The following STS variants were observed in gnomAD, a reference collection of about 807,000 sequenced individuals.
STS encodes steroid sulfatase.
In STS, 7 loss-of-function variants were observed where a neutral mutation model predicts 26.8. That is an observed-to-expected ratio of 0.26 (90% CI 0.15 to 0.49). The LOEUF is 0.49. Among genes scored for constraint, STS ranks in the 20% least tolerant of loss-of-function variants. The pLI is 0.98. For missense variants in STS, 434 were observed against 465.6 expected, an observed-to-expected ratio of 0.93 and a Z score of 0.63; for synonymous variants, 199 against 189.4, an observed-to-expected ratio of 1.05 and a Z score of -0.42.
Position 7,233,345 on chromosome X carries a change from C to T in STS, c.-4-19851C>T, listed in dbSNP as rs900362165. 7.2e-5 allele frequency among the ~76,000 whole-genome samples: 8 copies of T among 110,645 alleles called. No individual in the cohort carries two copies. The East Asian group carries it at 8.5e-4, about 12-fold the overall frequency. ...CTGACCTCAAGTGATCTGCCTGCCT[C>T]GACCTCACAAAGATATTTCTTACAG... On this transcript the variant is annotated intron_variant, in intron 2 of 10. Transcript: ENST00000674429.
chrX:7,295,743 G>C (rs149578013), intron 7 of STS, among the ~76,000 whole-genome samples: 243 of 110,969 alleles, frequency 2.2e-3, no homozygotes, highest in African/African-American at 7.7e-3. Context: ...GATCATCCTG[G>C]AGTTAGGAGG....
At chrX:7,247,945 T>TAAGGC (rs1922964136) in intron 2 of STS, among the ~76,000 whole-genome samples, 3 of 112,026 alleles carry the variant, frequency 2.7e-5, no homozygotes, top group South Asian at 7.4e-4. Context: ...ACTCCTTTAC[T>TAAGGC]AAGGCTCAAT....
At chrX:7,166,738 AAG>A (rs1279099977) in intron 1 of STS, among the ~76,000 whole-genome samples, 1 of 111,548 alleles carries the variant, frequency 9.0e-6, no homozygotes, top group African/African-American at 3.3e-5. Context: ...CCAACCTAGA[AAG>A]AGATTTTTCA....
At chrX:7,177,287 A>G (rs1462445288) in intron 1 of STS, among the ~76,000 whole-genome samples, 1 of 110,953 alleles carries the variant, frequency 9.0e-6, no homozygotes, top group Non-Finnish European at 1.9e-5. Flanking sequence ...TGAGCCATTT[A>G]TATGTTTAGG....
intron 2 of STS, among the ~76,000 whole-genome samples, chrX:7,238,883 G>A (rs1486154253): frequency 2.7e-5 from 3 of 110,780 alleles, no homozygotes; most frequent in Non-Finnish European, 5.7e-5. Context: ...GGAACCAATA[G>A]AATCTTCACA....
intron 1 of STS, among the ~76,000 whole-genome samples, chrX:7,154,802 A>G (rs780046363): frequency 1.8e-5 from 2 of 112,597 alleles, no homozygotes; most frequent in East Asian, 5.6e-4. Context: ...AAATAAAGGG[A>G]AAAAAAGTAT....
intron 2 of STS, among the ~76,000 whole-genome samples, chrX:7,233,023 T>C (rs1402037940): frequency 9.0e-6 from 1 of 111,119 alleles, no homozygotes; most frequent in Non-Finnish European, 1.9e-5. Context: ...TCCCCAGCCA[T>C]GTGGAACTGT....
chrX:7,204,567 C>T (rs1310729619), intron 2 of STS, among the ~76,000 whole-genome samples: 1 of 84,545 alleles, frequency 1.2e-5, no homozygotes, highest in Non-Finnish European at 2.2e-5. Flanking sequence ...CCTTCCTTTT[C>T]TTCCTTTCCT....
At position 7,319,988 on chromosome X, in the gene STS, TTA is replaced by T. The variant is rs1421907561; in HGVS notation, c.1082-5341_1082-5340del. On this transcript the variant is annotated intron_variant, in intron 8 of 10. Coordinates refer to ENST00000674429, the MANE Select transcript of STS (RefSeq NM_001320752.2). ...ATATTTTATATATATGTATATATAT[TTA>T]TATATATATTTTTATATATATATTT... 7.4e-3 allele frequency among the ~76,000 whole-genome samples: 666 copies of T among 89,588 alleles called. 9 individuals are homozygous for T. The highest frequency in any genetic ancestry group is 0.03 in the African/African-American group (629 of 21,165). 77.8% of individuals were successfully genotyped at this position (89,588 alleles called of 115,157 possible).
intron 2 of STS, among the ~76,000 whole-genome samples, chrX:7,209,205 G>C (rs1372134020): frequency 2.7e-5 from 3 of 110,894 alleles, no homozygotes; most frequent in African/African-American, 9.8e-5. Flanking sequence ...AATAGATTCT[G>C]GGCCTTTTTT....
At chrX:7,180,397 C>T (rs891172068) in intron 1 of STS, among the ~76,000 whole-genome samples, 9 of 111,622 alleles carry the variant, frequency 8.1e-5, no homozygotes, top group Non-Finnish European at 1.5e-4. Flanking sequence ...AATGCAGCCA[C>T]GGATCTGACA....
intron 7 of STS, among the ~76,000 whole-genome samples, chrX:7,296,402 A>C (rs1925665606): frequency 8.9e-6 from 1 of 112,201 alleles, no homozygotes; most frequent in Non-Finnish European, 1.9e-5. Flanking sequence ...ATTGAAAGAC[A>C]GTGTGCTCAC....
intron 1 of STS, among the ~76,000 whole-genome samples, chrX:7,162,447 A>C (rs1186099648): frequency 1.8e-5 from 2 of 111,669 alleles, no homozygotes; most frequent in Non-Finnish European, 3.8e-5. Context: ...GTCTGGGAGA[A>C]AGCCCAGGGG....
At chrX:7,234,154 A>G (rs1243616897) in intron 2 of STS, among the ~76,000 whole-genome samples, 1 of 112,277 alleles carries the variant, frequency 8.9e-6, no homozygotes, top group African/African-American at 3.2e-5. Flanking sequence ...ATAAGATGGG[A>G]ATGCTCTATG....
chrX:7,176,733 A>T lies in STS; in HGVS notation c.-133-14147A>T, dbSNP rs779212765. ...TATAAAACCATCAGATCTTGTGAGA[A>T]CTTACTCGCTAACACAAGAATAGCA... is the stretch of plus-strand genomic sequence containing the variant. On this transcript the variant is annotated intron_variant, in intron 1 of 10. Transcript: ENST00000674429. Among the ~76,000 whole-genome samples the T allele has an allele frequency of 2.7e-5, 3 of 111,187 alleles. No homozygotes were observed. The South Asian group carries it at 1.2e-3, about 43-fold the overall frequency.
At chrX:7,178,658 G>T (rs1933619493) in intron 1 of STS, among the ~76,000 whole-genome samples, 1 of 112,532 alleles carries the variant, frequency 8.9e-6, no homozygotes, top group South Asian at 3.6e-4. Flanking sequence ...AACTTCTCAT[G>T]AAAGTGGTTA....
chrX:7,298,531 T>C (rs1488572199), intron 7 of STS, among the ~76,000 whole-genome samples: 1 of 111,446 alleles, frequency 9.0e-6, no homozygotes, highest in African/African-American at 3.3e-5. Context: ...TATGGGACAT[T>C]GGTGTTACTT....
chrX:7,197,154 C>CA (rs1297907782), intron 2 of STS, among the ~76,000 whole-genome samples: 33 of 111,891 alleles, frequency 2.9e-4, no homozygotes, highest in African/African-American at 9.7e-4. Flanking sequence ...GGCTTCCTTC[C>CA]TCTCTTTGGC....
intron 2 of STS, among the ~76,000 whole-genome samples, chrX:7,252,560 G>A (rs974041852): frequency 5.4e-5 from 6 of 111,438 alleles, no homozygotes; most frequent in Non-Finnish European, 3.8e-5. Context: ...GAAAGCCCAC[G>A]TCCTCCTCAA....
Sources: allele counts gnomAD v4.1 joint callset (sites outside exome capture counted in the v4.1 genomes callset), GRCh38; gene constraint gnomAD v4.1.1; transcripts MANE v1.5; gene names NCBI Gene and HGNC (gene_info 2026-07-23, HGNC 2026-07-21).